The following DNAH7 variants were observed in gnomAD, a reference collection of about 807,000 sequenced individuals.
The protein encoded by DNAH7 is axonemal beta dynein heavy chain 7.
In DNAH7, 397 loss-of-function variants were observed where a neutral mutation model predicts 444.6. The observed-to-expected ratio is 0.89, with a 90% CI of 0.82 to 0.97. DNAH7 has a LOEUF of 0.97. DNAH7 is among the 50% of genes least tolerant of loss of function. The probability of loss-of-function intolerance (pLI) is 0.00; values close to 1 mark genes in which losing one functional copy is unlikely to be tolerated. For synonymous variants in DNAH7, 1,636 were observed against 1,624.4 expected, an observed-to-expected ratio of 1.01 and a Z score of -0.17; for missense variants, 4,902 against 4,800.8, an observed-to-expected ratio of 1.02 and a Z score of -0.62.
intron 35 of DNAH7, among the ~76,000 whole-genome samples, chr2:195,883,837 C>A (rs560086108): frequency 6.6e-6 from 1 of 152,142 alleles, no homozygotes; most frequent in South Asian, 2.1e-4. Context: ...CAGATATGTA[C>A]CCAATGACTT....
chr2:195,771,927 T>A lies in DNAH7; in HGVS notation c.11203-37A>T, dbSNP rs144309218. ...CCAAACTATAACTCAAAAATCCTCA[T>A]AAAGGTCTAACAATAGCTGAATAGG... On this transcript the variant is annotated intron_variant, in intron 60 of 64. Coordinates refer to ENST00000312428, the MANE Select transcript of DNAH7 (RefSeq NM_018897.3). The A allele has an allele frequency of 4.1e-4, 648 of 1,570,462 alleles. 3 individuals are homozygous for A. The African/African-American group carries it at 7.9e-3, about 19-fold the overall frequency.
intron 25 of DNAH7, among the ~76,000 whole-genome samples, chr2:195,909,548 A>G (rs1011283732): frequency 7.9e-5 from 12 of 152,194 alleles, no homozygotes; most frequent in African/African-American, 2.2e-4. Flanking sequence ...ACCTGAAAAT[A>G]TGTACATCTA....
At chr2:195,991,778 A>G (rs1006706395) in intron 12 of DNAH7, among the ~76,000 whole-genome samples, 2 of 152,316 alleles carry the variant, frequency 1.3e-5, no homozygotes, top group African/African-American at 4.8e-5. Context: ...GCAGCAACCA[A>G]TGGTACCAGG....
At chr2:196,011,582 G>C (rs1694730722) in intron 10 of DNAH7, among the ~76,000 whole-genome samples, 1 of 152,114 alleles carries the variant, frequency 6.6e-6, no homozygotes, top group South Asian at 2.1e-4. Flanking sequence ...ATTTGGGTTT[G>C]AGGTGGAAGT....
chr2:195,969,951 A>C lies in DNAH7; in HGVS notation c.2202T>G (p.Asp734Glu). 6.2e-7 allele frequency: 1 copy of C among 1,604,316 alleles called. No homozygotes were observed. The highest frequency in any genetic ancestry group is 1.3e-5 in the African/African-American group (1 of 74,562). Residue 734 changes from aspartate (D) to glutamate (E), a missense_variant, in exon 17 of 65, where the codon GAT (aspartate) becomes GAG (glutamate). Physicochemically the swap from Asp to Glu is conservative, Grantham distance 45 (BLOSUM62 2). Transcript: ENST00000312428. ...TTTAAGAATTTTTGAATTATACCTTATCTGCAGCTAAATCCAACTTTCCAT... is the reference window on the plus strand; with the variant it reads ...TTTAAGAATTTTTGAATTATACCTTCTCTGCAGCTAAATCCAACTTTCCAT... ...ILNGKLDLAADKIEQFNAEEE... is the reference protein window; with the variant it reads ...ILNGKLDLAAEKIEQFNAEEE...
At position 195,824,486 on chromosome 2, in the gene DNAH7, T is replaced by C. The variant is rs144971562; in HGVS notation, c.9101-41A>G. On this transcript the variant is annotated intron_variant, in intron 48 of 64. Transcript: ENST00000312428. The stretch of plus-strand genomic sequence containing the variant: ...AAAAGATTTCATGTTATTTTAAATA[T>C]TGACTATAAATATTATAAATATTCA... 2.1e-4 allele frequency: 323 copies of C among 1,506,940 alleles called. No individual in the cohort carries two copies. The African/African-American group carries it at 4.3e-3, about 20-fold the overall frequency. The allele number at this position is 1,506,940 out of a possible 1,614,324, so 93.3% of individuals were successfully genotyped here.
At chr2:195,824,204 T>G in intron 49 of DNAH7, 51 bp downstream of exon 49, 4 of 1,508,604 alleles carry the variant, frequency 2.7e-6, no homozygotes, top group Non-Finnish European at 3.6e-6. Context: ...GAGGAATATA[T>G]AGTCACTAAT....
chr2:196,019,391 ATGTGCTGT>A, intron 8 of DNAH7, 96 bp from the exon 9 acceptor site: 1 of 948,032 alleles, frequency 1.1e-6, no homozygotes. Flanking sequence ...TTAATAAAAT[ATGTGCTGT>A]ATCCCTCATC....
At chr2:195,826,830 T>C (rs533417563) in intron 48 of DNAH7, among the ~76,000 whole-genome samples, 2 of 152,314 alleles carry the variant, frequency 1.3e-5, no homozygotes, top group South Asian at 2.1e-4. Flanking sequence ...TGTATCTAAA[T>C]AGTGAGGGAT....
At chr2:196,024,698 C>G (rs369476432) in intron 7 of DNAH7, among the ~76,000 whole-genome samples, 194 bp from the exon 8 acceptor site, 2 of 152,000 alleles carry the variant, frequency 1.3e-5, no homozygotes, top group East Asian at 3.9e-4. Flanking sequence ...ATGTCTGTGT[C>G]TTTGAGGATA....
At chr2:195,909,959 T>C in intron 25 of DNAH7, 68 bp downstream of exon 25, 1 of 1,436,034 alleles carries the variant, frequency 7.0e-7, no homozygotes, top group Non-Finnish European at 9.5e-7. Flanking sequence ...TATTCAATTA[T>C]GTTGCATCAT....
chr2:195,980,487 C>T (rs1481261215), intron 15 of DNAH7, among the ~76,000 whole-genome samples: 2 of 152,086 alleles, frequency 1.3e-5, no homozygotes, highest in East Asian at 3.8e-4. Context: ...GGAGGAAATA[C>T]TTTCATCAAG....
At chr2:195,876,812 A>G (rs1452146288) in intron 36 of DNAH7, 113 bp from the exon 37 acceptor site, 1 of 701,920 alleles carries the variant, frequency 1.4e-6, no homozygotes, top group African/African-American at 1.8e-5. Context: ...GTGTTGTAAC[A>G]TTGTACAAAT....
chr2:196,031,979 AC>A (rs1185793471), intron 5 of DNAH7, among the ~76,000 whole-genome samples: 1 of 152,086 alleles, frequency 6.6e-6, no homozygotes, highest in Non-Finnish European at 1.5e-5. Flanking sequence ...GTACCAATTT[AC>A]CGTATTAGTC....
At chr2:196,028,320 C>A (rs987850870) in intron 5 of DNAH7, among the ~76,000 whole-genome samples, 1 of 152,130 alleles carries the variant, frequency 6.6e-6, no homozygotes, top group African/African-American at 2.4e-5. Flanking sequence ...CCTCATTACT[C>A]AAGAATCAAG....
At chr2:195,753,150 C>G (rs1574373809) in intron 63 of DNAH7, among the ~76,000 whole-genome samples, 2 of 151,850 alleles carry the variant, frequency 1.3e-5, no homozygotes, top group African/African-American at 4.8e-5. Flanking sequence ...AAAATGGGAT[C>G]TGGATGCCTC....
intron 59 of DNAH7, 129 bp downstream of exon 59, chr2:195,777,671 C>T: frequency 1.1e-6 from 1 of 922,914 alleles, no homozygotes; most frequent in East Asian, 2.6e-5. Context: ...CCCTATATGA[C>T]TGAAGAAAGC....
At chr2:195,864,017 T>C in intron 41 of DNAH7, 132 bp downstream of exon 41, 1 of 789,172 alleles carries the variant, frequency 1.3e-6, no homozygotes, top group Non-Finnish European at 2.0e-6. Flanking sequence ...TTTCATAAGA[T>C]ATAACTGATC....
intron 8 of DNAH7, among the ~76,000 whole-genome samples, chr2:196,019,849 C>G (rs1417077945): frequency 6.6e-6 from 1 of 152,146 alleles, no homozygotes; most frequent in East Asian, 1.9e-4. Flanking sequence ...TTGAATAACA[C>G]AGGTTTGAAC....
Sources: gnomAD v4.1 joint callset for allele counts (sites outside exome capture counted in the v4.1 genomes callset) on GRCh38, gnomAD v4.1.1 for gene constraint, MANE v1.5 for transcripts, NCBI Gene and HGNC (gene_info 2026-07-23, HGNC 2026-07-21) for gene names.